SGCZ: variants seen among roughly 807,000 people sequenced by gnomAD.
SGCZ encodes the protein sarcoglycan zeta, also known as zeta-sarcoglycan.
Under a neutral mutation model 41.3 loss-of-function variants are expected in SGCZ, and 40 were observed. That is an observed-to-expected ratio of 0.97 (90% confidence interval 0.75 to 1.26). The LOEUF is 1.26. SGCZ is among the 50% of genes most tolerant of loss of function. The probability of loss-of-function intolerance (pLI) is 0.00; values close to 1 mark genes in which losing one functional copy is unlikely to be tolerated. For synonymous variants in SGCZ, 206 were observed against 137.5 expected, an observed-to-expected ratio of 1.50 and a Z score of -3.49; for missense variants, 552 against 369.8, an observed-to-expected ratio of 1.49 and a Z score of -4.04.
chr8:14,501,058 T>A (rs1563370312), intron 2 of SGCZ, among the ~76,000 whole-genome samples: 1 of 152,042 alleles, frequency 6.6e-6, no homozygotes, highest in African/African-American at 2.4e-5. Context: ...TGGGTCAAAA[T>A]CAAGCTGTTA....
At chr8:15,203,122 AAC>A (rs751061282) in intron 1 of SGCZ, among the ~76,000 whole-genome samples, 1 of 149,178 alleles carries the variant, frequency 6.7e-6, no homozygotes, top group Admixed American at 6.7e-5. Flanking sequence ...AAAACAAACA[AAC>A]AAAAAAAAAC....
At chr8:15,070,541 G>T (rs1343496039) in intron 1 of SGCZ, among the ~76,000 whole-genome samples, 1 of 152,160 alleles carries the variant, frequency 6.6e-6, no homozygotes, top group Admixed American at 6.5e-5. Flanking sequence ...TTAGCACTCA[G>T]AGGAAAGAAT....
At chr8:14,695,791 A>G (rs1808940315) in intron 1 of SGCZ, among the ~76,000 whole-genome samples, 1 of 152,092 alleles carries the variant, frequency 6.6e-6, no homozygotes, top group Non-Finnish European at 1.5e-5. Context: ...CACATTTACT[A>G]GCAAAAGTGA....
chr8:14,098,689 C>G (rs1280898949), intron 7 of SGCZ, among the ~76,000 whole-genome samples: 1 of 152,088 alleles, frequency 6.6e-6, no homozygotes, highest in Non-Finnish European at 1.5e-5. Context: ...TTTTGGATAA[C>G]AAACCTTGAG....
chr8:14,783,263 G>C (rs1282606829), intron 1 of SGCZ, among the ~76,000 whole-genome samples: 1 of 152,138 alleles, frequency 6.6e-6, no homozygotes, highest in African/African-American at 2.4e-5. Context: ...GCGAAAGCCA[G>C]TATCTACTGA....
chr8:14,904,268 G>A (rs941566577), intron 1 of SGCZ, among the ~76,000 whole-genome samples: 9 of 152,120 alleles, frequency 5.9e-5, no homozygotes, highest in African/African-American at 1.7e-4. Flanking sequence ...CTCCATCCCT[G>A]TGGTCGTTCC....
chr8:14,293,624 A>G (rs1053940218), intron 3 of SGCZ, among the ~76,000 whole-genome samples: 1 of 151,970 alleles, frequency 6.6e-6, no homozygotes, highest in Non-Finnish European at 1.5e-5. Context: ...TCTCCAATCT[A>G]TATAAAATCT....
intron 1 of SGCZ, among the ~76,000 whole-genome samples, chr8:15,175,279 C>T (rs1799961562): frequency 6.6e-6 from 1 of 151,922 alleles, no homozygotes; most frequent in Non-Finnish European, 1.5e-5. Flanking sequence ...ATGGAATCAA[C>T]CCAAAAGCCC....
At chr8:14,504,742 CA>C (rs1313709482) in intron 2 of SGCZ, among the ~76,000 whole-genome samples, 1 of 152,114 alleles carries the variant, frequency 6.6e-6, no homozygotes, top group Middle Eastern at 3.2e-3. Context: ...TTCTTTATGG[CA>C]CTTCTGCTTT....
intron 2 of SGCZ, among the ~76,000 whole-genome samples, chr8:14,341,716 G>A (rs1313503168): frequency 6.6e-6 from 1 of 152,118 alleles, no homozygotes; most frequent in African/African-American, 2.4e-5. Flanking sequence ...TCATTCCTGT[G>A]CTATTCTTGT....
chr8:14,107,829 G>A (rs751747012), intron 6 of SGCZ, among the ~76,000 whole-genome samples: 7 of 151,810 alleles, frequency 4.6e-5, no homozygotes, highest in South Asian at 2.1e-4. Flanking sequence ...TCTATTTTTC[G>A]TAGAGACAGG....
intron 2 of SGCZ, among the ~76,000 whole-genome samples, chr8:14,349,891 T>C (rs954630429): frequency 6.6e-6 from 1 of 152,120 alleles, no homozygotes; most frequent in Non-Finnish European, 1.5e-5. Context: ...AGACACATAA[T>C]AGATACAGGA....
At chr8:14,263,543 T>C (rs886416491) in intron 3 of SGCZ, among the ~76,000 whole-genome samples, 1 of 152,062 alleles carries the variant, frequency 6.6e-6, no homozygotes, top group Non-Finnish European at 1.5e-5. Flanking sequence ...AATGAGATTC[T>C]GTCTCAAAAA....
At chr8:14,474,235 G>A (rs934516226) in intron 2 of SGCZ, among the ~76,000 whole-genome samples, 4 of 152,168 alleles carry the variant, frequency 2.6e-5, no homozygotes, top group Admixed American at 1.3e-4. Flanking sequence ...ACATGAAAAC[G>A]AGAATAAAAC....
At chr8:14,877,866 T>C (rs1299516165) in intron 1 of SGCZ, among the ~76,000 whole-genome samples, 1 of 152,194 alleles carries the variant, frequency 6.6e-6, no homozygotes, top group African/African-American at 2.4e-5. Flanking sequence ...ATTTTCATGT[T>C]CCTTTCTGTT....
intron 1 of SGCZ, among the ~76,000 whole-genome samples, chr8:15,217,309 T>G (rs552853941): frequency 6.6e-6 from 1 of 150,682 alleles, no homozygotes; most frequent in East Asian, 2.0e-4. Context: ...CCCAGCTACT[T>G]GGGAGGCTGA....
intron 3 of SGCZ, among the ~76,000 whole-genome samples, chr8:14,247,263 G>C (rs1799131408): frequency 6.6e-6 from 1 of 152,148 alleles, no homozygotes; most frequent in South Asian, 2.1e-4. Flanking sequence ...ACTTTGCATT[G>C]TCCTTCTGGC....
chr8:14,717,873 T>C (rs1809742744), intron 1 of SGCZ, among the ~76,000 whole-genome samples: 1 of 152,012 alleles, frequency 6.6e-6, no homozygotes, highest in African/African-American at 2.4e-5. Context: ...ATAACTGTGA[T>C]TTTCCAAGGT....
At chr8:14,368,430 A>G (rs1479673105) in intron 2 of SGCZ, among the ~76,000 whole-genome samples, 2 of 152,088 alleles carry the variant, frequency 1.3e-5, no homozygotes, top group East Asian at 3.8e-4. Flanking sequence ...GGCATCAGCA[A>G]TTAGATGAAA....
Sources: gnomAD v4.1 joint callset for allele counts (sites outside exome capture counted in the v4.1 genomes callset) on GRCh38, gnomAD v4.1.1 for gene constraint, MANE v1.5 for transcripts, NCBI Gene and HGNC (gene_info 2026-07-23, HGNC 2026-07-21) for gene names.